AKAP8L: variants seen among roughly 807,000 people sequenced by gnomAD.
AKAP8L encodes the protein A-kinase anchoring protein 8 like, also known as A-kinase anchor protein 8-like.
A neutral mutation model predicts 77.5 loss-of-function variants in AKAP8L; 34 were observed. The ratio of observed to expected loss-of-function variants is 0.44; its 90% CI spans 0.33 to 0.58. AKAP8L has a LOEUF of 0.58. AKAP8L is among the 20% of genes least tolerant of loss of function. The pLI is 0.02. For synonymous variants in AKAP8L, 342 were observed against 340.7 expected (o/e 1.00, Z -0.04); for missense variants, 806 against 887.6 (o/e 0.91, Z 1.17).
intron 8 of AKAP8L, chr19:15,400,071 G>A (rs1311251377): frequency 1.5e-5 from 9 of 597,128 alleles, no homozygotes; most frequent in Non-Finnish European, 1.2e-5. Context: ...AGTGTGCTAG[G>A]CAGGGGTCAC....
intron 1 of AKAP8L, among the ~76,000 whole-genome samples, chr19:15,413,134 C>T (rs1968138892): frequency 6.6e-6 from 1 of 152,196 alleles, no homozygotes; most frequent in Admixed American, 6.5e-5. Flanking sequence ...GCAATGATCT[C>T]ATTTCATCCT....
chr19:15,418,132 A>C (rs1445687163), intron 1 of AKAP8L, among the ~76,000 whole-genome samples: 1 of 152,216 alleles, frequency 6.6e-6, no homozygotes, highest in East Asian at 1.9e-4. Flanking sequence ...AGAAGGCTCC[A>C]ACCACTCCAC....
At chr19:15,392,112 G>A (rs984992781) in intron 12 of AKAP8L, among the ~76,000 whole-genome samples, 1 of 152,168 alleles carries the variant, frequency 6.6e-6, no homozygotes, top group Non-Finnish European at 1.5e-5. Flanking sequence ...TGGATTACAG[G>A]TATGAGCTAT....
At chr19:15,408,883 AAAAG>A (rs1031597829) in intron 2 of AKAP8L, among the ~76,000 whole-genome samples, 2 of 151,938 alleles carry the variant, frequency 1.3e-5, no homozygotes, top group Non-Finnish European at 2.9e-5. Flanking sequence ...AAAAAAAAAA[AAAAG>A]AAAGAAAAAA....
intron 1 of AKAP8L, among the ~76,000 whole-genome samples, chr19:15,413,737 C>G (rs1471426682): frequency 6.6e-6 from 1 of 152,202 alleles, no homozygotes; most frequent in African/African-American, 2.4e-5. Flanking sequence ...GTTCTTTCAG[C>G]AATTGGGCCA....
At chr19:15,413,785 G>A (rs1347158900) in intron 1 of AKAP8L, among the ~76,000 whole-genome samples, 1 of 152,222 alleles carries the variant, frequency 6.6e-6, no homozygotes, top group Non-Finnish European at 1.5e-5. Context: ...AATGTGATCT[G>A]TGAGTACTGC....
rs535205845 is a variant in AKAP8L at position 15,403,133 on chromosome 19, G to A, written c.362+342C>T. ...TCTGTCCTGCCCTGACACCACGCAG[G>A]AGGCAAAGTCTCGAGAGAATTCCAA... On this transcript the variant is annotated intron_variant, in intron 4 of 13. Coordinates refer to ENST00000397410, the MANE Select transcript of AKAP8L (RefSeq NM_014371.4). This position sits in a 1 kb window ranked among gnomAD's most constrained non-coding sequence, Gnocchi z 4.3. Among the ~76,000 whole-genome samples the A allele has an allele frequency of 6.6e-6, 1 of 152,302 alleles. No homozygotes were observed. The highest frequency in any genetic ancestry group is 2.1e-4 in the South Asian group (1 of 4,826).
chr19:15,389,548 A>G (rs932675997), intron 12 of AKAP8L, among the ~76,000 whole-genome samples: 1 of 152,154 alleles, frequency 6.6e-6, no homozygotes, highest in East Asian at 1.9e-4. Context: ...CGAGGCGGGC[A>G]GATCACGAGG....
In AKAP8L at chr19:15,398,278, G is replaced by A. The variant is rs1303151078; in HGVS notation, c.1158-423C>T. On this transcript the variant is annotated intron_variant, in intron 9 of 13. Coordinates refer to ENST00000397410, the MANE Select transcript of AKAP8L (RefSeq NM_014371.4). This position sits in a 1 kb window ranked among gnomAD's most constrained non-coding sequence, Gnocchi z 9.2. ...GGTGCAGAGTGGAGTACGCAGTCCCGAGGCAGGGCCCGAAAAGGTGCTGCA... is the reference window on the plus strand; with the variant it reads ...GGTGCAGAGTGGAGTACGCAGTCCCAAGGCAGGGCCCGAAAAGGTGCTGCA... The A allele has an allele frequency of 4.5e-5, 9 of 198,436 alleles. No individual in the cohort carries two copies. The South Asian group carries it at 7.9e-4, about 17-fold the overall frequency. The allele number at this position is 198,436 out of a possible 1,614,324, so 12.3% of individuals were successfully genotyped here.
At chr19:15,412,877 C>T (rs1027366882) in intron 1 of AKAP8L, among the ~76,000 whole-genome samples, 11 of 152,214 alleles carry the variant, frequency 7.2e-5, no homozygotes, top group African/African-American at 2.7e-4. Context: ...TCTCTCAGCA[C>T]TGAAATTACG....
At chr19:15,408,084 C>T (rs1299287872) in intron 2 of AKAP8L, among the ~76,000 whole-genome samples, 9 of 150,768 alleles carry the variant, frequency 6.0e-5, no homozygotes, top group South Asian at 4.2e-4. Flanking sequence ...CATGTGAGGT[C>T]GGGAGTTTGA....
Position 15,397,962 on chromosome 19 carries a change from G to A in AKAP8L, c.1158-107C>T. Reference sequence around the variant, plus strand: ...GCCCTGAAACAGGCCTTGCTCACGGGCCTCTGAAGTACGGTCCCAGCAGAG... The same window carrying A: ...GCCCTGAAACAGGCCTTGCTCACGGACCTCTGAAGTACGGTCCCAGCAGAG... On this transcript the variant is annotated intron_variant, in intron 9 of 13. Coordinates refer to ENST00000397410, the MANE Select transcript of AKAP8L (RefSeq NM_014371.4). This position sits in a 1 kb window ranked among gnomAD's most constrained non-coding sequence, Gnocchi z 4.7. 1 of 1,405,420 alleles carries A rather than the reference G, an allele frequency of 7.1e-7. No individual in the cohort carries two copies. The highest frequency in any genetic ancestry group is 9.7e-7 in the Non-Finnish European group (1 of 1,034,584). 87.1% of individuals were successfully genotyped at this position (1,405,420 alleles called of 1,614,324 possible). A position where few individuals can be genotyped will look rare whatever the true frequency, so the allele number is the denominator to read the frequency against.
chr19:15,388,920 A>G (rs1461609721), intron 12 of AKAP8L, among the ~76,000 whole-genome samples: 1 of 146,748 alleles, frequency 6.8e-6, no homozygotes, highest in Non-Finnish European at 1.5e-5. Flanking sequence ...CATCTCTAAA[A>G]AAGAGTGAAC....
Position 15,380,390 on chromosome 19 carries a change from T to C in AKAP8L, c.1673A>G (p.Glu558Gly). Residue 558 changes from glutamate (E) to glycine (G), a missense_variant, in exon 14 of 14, where the codon GAG (glutamate) becomes GGG (glycine). By Grantham distance (98) the Glu-to-Gly change is moderately conservative. Around this residue, in one of 2 missense-constraint regions of AKAP8L, gnomAD observed 226 missense variants for 193.5 expected, o/e 1.17. Coordinates refer to ENST00000397410, the MANE Select transcript of AKAP8L (RefSeq NM_014371.4). ...PFTDSPEEEK[E>G]QEEAEGGALD... is the part of the protein sequence containing the mutation. ...GGCACCGCCCTCAGCCTCCTCCTGC[T>C]CCTTCTCCTCCTCGGGGCTGTCGGT... The C allele has an allele frequency of 6.3e-7, 1 of 1,585,326 alleles. No individual in the cohort carries two copies.
intron 1 of AKAP8L, among the ~76,000 whole-genome samples, chr19:15,414,337 G>A (rs1334826430): frequency 6.6e-6 from 1 of 152,088 alleles, no homozygotes; most frequent in African/African-American, 2.4e-5. Context: ...GATTACAGGC[G>A]TGAGCCACCA....
intron 12 of AKAP8L, among the ~76,000 whole-genome samples, chr19:15,386,255 A>G (rs1397398529): frequency 6.6e-6 from 1 of 152,110 alleles, no homozygotes; most frequent in Non-Finnish European, 1.5e-5. Context: ...ACTAATCTAC[A>G]GTTTCATTTT....
Position 15,400,973 on chromosome 19 carries a change from C to A in AKAP8L, c.887G>T (p.Cys296Phe). ...EPDSKATRTD[C>F]SDNSDSDNDE... is the part of the protein sequence containing the mutation. ...ATTGTCTGAGTCGCTGTTGTCCGAG[C>A]AGTCCGTGCGGGTGGCTTTGCTATC... Residue 296 changes from cysteine to phenylalanine, a missense_variant, in exon 6 of 14, where the codon TGC becomes TTC. By Grantham distance (205) the Cys-to-Phe change is radical. Around this residue, in one of 2 missense-constraint regions of AKAP8L, gnomAD observed 580 missense variants for 694.1 expected, o/e 0.84. Coordinates refer to ENST00000397410, the MANE Select transcript of AKAP8L (RefSeq NM_014371.4). The A allele has an allele frequency of 6.2e-7, 1 of 1,613,998 alleles. No homozygotes were observed. Among genetic ancestry groups the A allele is most frequent in the Non-Finnish European group, 8.5e-7 (1 of 1,179,886 alleles).
rs186372432 is a variant in AKAP8L, at chr19:15,413,987, C to A, written c.14-3393G>T. Among the ~76,000 whole-genome samples, 6 of 152,278 alleles carry A rather than the reference C, an allele frequency of 3.9e-5. No individual in the cohort carries two copies. In the East Asian group the frequency reaches 1.2e-3, roughly 29 times the overall value. ...CCCTGCACCACATTAACATTCTGTT[C>A]CACAATACCATCTGCAAAGATCGCA... On this transcript the variant is annotated intron_variant, in intron 1 of 13. Transcript: ENST00000397410.
rs28679581 is a variant in AKAP8L, at chr19:15,407,408, G to T, written c.88+3112C>A. On this transcript the variant is annotated intron_variant, in intron 2 of 13. Coordinates refer to ENST00000397410, the MANE Select transcript of AKAP8L (RefSeq NM_014371.4). ...CAAAATGTTATTTAAATGTTATATTGTTCTTGCAATTCAAGCCAGAAGGAA... is the reference window on the plus strand; with the variant it reads ...CAAAATGTTATTTAAATGTTATATTTTTCTTGCAATTCAAGCCAGAAGGAA... Among the ~76,000 whole-genome samples, 948 of 152,238 alleles carry T rather than the reference G, an allele frequency of 6.2e-3. 12 individuals carry two copies. Among genetic ancestry groups the T allele is most frequent in the African/African-American group, 0.022 (897 of 41,540 alleles).
Sources: gnomAD v4.1 joint callset for allele counts (sites outside exome capture counted in the v4.1 genomes callset) on GRCh38, gnomAD v4.1.1 for gene constraint, gnomAD v4.1.1 regional missense constraint, Gnocchi (gnomAD v3.1) non-coding constraint, MANE v1.5 for transcripts, NCBI Gene and HGNC (gene_info 2026-07-23, HGNC 2026-07-21) for gene names.